Variants in SLC24A3 observed in about 807,000 individuals in gnomAD.
SLC24A3 encodes the protein sodium/potassium/calcium exchanger 3.
Under a neutral mutation model 75.8 loss-of-function variants are expected in SLC24A3, and 28 were observed. The ratio of observed to expected loss-of-function variants is 0.37; its 90% CI spans 0.27 to 0.51. The LOEUF is 0.51. Among genes scored for constraint, SLC24A3 ranks in the 20% least tolerant of loss-of-function variants. SLC24A3 has a pLI of 0.94. For missense variants in SLC24A3, 663 were observed against 847.8 expected (o/e 0.78, Z 2.71); for synonymous variants, 372 against 334.1 (o/e 1.11, Z -1.24).
At chr20:19,664,003 A>G (rs1161209955) in intron 7 of SLC24A3, among the ~76,000 whole-genome samples, 2 of 152,122 alleles carry the variant, frequency 1.3e-5, no homozygotes, top group African/African-American at 4.8e-5. Context: ...AGGGCTTTCT[A>G]AAAGCTGCTT....
intron 15 of SLC24A3, among the ~76,000 whole-genome samples, chr20:19,713,227 A>G (rs1164366830): frequency 6.6e-6 from 1 of 152,224 alleles, no homozygotes; most frequent in African/African-American, 2.4e-5. Context: ...TCCCACAAGC[A>G]CACGTGGACA....
intron 12 of SLC24A3, among the ~76,000 whole-genome samples, chr20:19,688,219 G>T (rs1272369117): frequency 6.6e-6 from 1 of 152,158 alleles, no homozygotes; most frequent in Non-Finnish European, 1.5e-5. Context: ...AGAACCGGCT[G>T]CCCCCCATCC....
At chr20:19,467,966 G>GT (rs1987797005) in intron 2 of SLC24A3, among the ~76,000 whole-genome samples, 1 of 151,932 alleles carries the variant, frequency 6.6e-6, no homozygotes, top group Admixed American at 6.6e-5. Flanking sequence ...AGTGAGGTAT[G>GT]TCCTAGAAAC....
In SLC24A3 at chr20:19,654,111, C is replaced by A; in HGVS notation, c.662C>A (p.Thr221Lys). 1 of 1,613,774 alleles carries A rather than the reference C, an allele frequency of 6.2e-7. No homozygotes were observed. The highest frequency in any genetic ancestry group is 8.5e-7 in the Non-Finnish European group (1 of 1,179,724). Residue 221 changes from threonine (T) to lysine (K), a missense_variant, in exon 7 of 17, where the codon ACG becomes AAG. By Grantham distance (78) the Thr-to-Lys change is moderately conservative. Coordinates refer to ENST00000328041, the MANE Select transcript of SLC24A3 (RefSeq NM_020689.4). ...CTGCTGAGGGATTCTATTTACTACA[C>A]GCTGTCTGTGATCGCGCTCATCGTG... ...WCLLRDSIYY[T>K]LSVIALIVFI...
chr20:19,443,947 G>A (rs1273131722), intron 2 of SLC24A3, among the ~76,000 whole-genome samples: 1 of 152,104 alleles, frequency 6.6e-6, no homozygotes, highest in African/African-American at 2.4e-5. Flanking sequence ...AAAGTATCTT[G>A]TTTCTTACCA....
At chr20:19,640,676 G>T (rs1278671936) in intron 6 of SLC24A3, among the ~76,000 whole-genome samples, 2 of 152,066 alleles carry the variant, frequency 1.3e-5, no homozygotes, top group Non-Finnish European at 2.9e-5. Context: ...CTTCAACCCG[G>T]GAGGCGAAGG....
At chr20:19,340,841 G>A (rs755685684) in intron 2 of SLC24A3, among the ~76,000 whole-genome samples, 13 of 152,180 alleles carry the variant, frequency 8.5e-5, no homozygotes, top group Non-Finnish European at 1.5e-4. Flanking sequence ...TTGAGGGAGC[G>A]ACACAGTTGC....
chr20:19,588,515 C>T (rs1227666633), intron 6 of SLC24A3, among the ~76,000 whole-genome samples: 1 of 152,202 alleles, frequency 6.6e-6, no homozygotes, highest in Non-Finnish European at 1.5e-5. Flanking sequence ...AGTTTGCAAA[C>T]ATAACCCTCG....
At chr20:19,315,147 G>A (rs928307602) in intron 2 of SLC24A3, among the ~76,000 whole-genome samples, 17 of 152,126 alleles carry the variant, frequency 1.1e-4, no homozygotes, top group Admixed American at 7.9e-4. Context: ...GCTCAGATTC[G>A]CCTATCCTTG....
chr20:19,641,635 G>C (rs757021015), intron 6 of SLC24A3, among the ~76,000 whole-genome samples: 1 of 152,152 alleles, frequency 6.6e-6, no homozygotes. Flanking sequence ...TAGCCTCATG[G>C]GGTGCAGCAG....
In SLC24A3 at chr20:19,546,172, A is replaced by AAAAAACAAAC. The variant is rs1325996150; in HGVS notation, c.348+30613_348+30614insCAAACAAAAA. 1.2e-4 allele frequency among the ~76,000 whole-genome samples: 18 copies of AAAAAACAAAC among 148,880 alleles called. 1 individual carries two copies. Among genetic ancestry groups the AAAAAACAAAC allele is most frequent in the Non-Finnish European group, 2.7e-4 (18 of 66,842 alleles). ...AGACTCCGTCTCAAAAAAAAAAAAAAAAAAAAAAAAAAAAAACCAGGTAAT... is the reference window on the plus strand; with the variant it reads ...AGACTCCGTCTCAAAAAAAAAAAAAAAAAAACAAACAAAAAAAAAAAAAAAACCAGGTAAT... On this transcript the variant is annotated intron_variant, in intron 3 of 16. Transcript: ENST00000328041.
intron 3 of SLC24A3, among the ~76,000 whole-genome samples, chr20:19,516,609 G>A (rs892121293): frequency 1.3e-5 from 2 of 152,208 alleles, no homozygotes; most frequent in African/African-American, 4.8e-5. Flanking sequence ...TGGTATGTGG[G>A]GTGGGATGGC....
chr20:19,707,479 G>A (rs1479297572), intron 15 of SLC24A3, among the ~76,000 whole-genome samples: 2 of 152,176 alleles, frequency 1.3e-5, no homozygotes, highest in Non-Finnish European at 2.9e-5. Context: ...AAACTTTTCA[G>A]GTGTTATTAT....
At chr20:19,391,747 C>G (rs1441875415) in intron 2 of SLC24A3, among the ~76,000 whole-genome samples, 2 of 152,062 alleles carry the variant, frequency 1.3e-5, no homozygotes, top group East Asian at 3.9e-4. Flanking sequence ...CTTGGCTGAC[C>G]CCAAGAGAGT....
At chr20:19,370,931 T>C (rs1293319800) in intron 2 of SLC24A3, among the ~76,000 whole-genome samples, 2 of 152,068 alleles carry the variant, frequency 1.3e-5, no homozygotes, top group African/African-American at 4.8e-5. Flanking sequence ...TTTAGTGTAA[T>C]ATTTTGATCC....
chr20:19,558,012 A>T (rs1464453843), intron 3 of SLC24A3, among the ~76,000 whole-genome samples: 1 of 152,136 alleles, frequency 6.6e-6, no homozygotes, highest in Non-Finnish European at 1.5e-5. Flanking sequence ...TGGATGGATG[A>T]TGTTAAAATA....
At chr20:19,694,208 A>G (rs904985862) in intron 13 of SLC24A3, 1 of 152,190 alleles carries the variant, frequency 6.6e-6, no homozygotes, top group Non-Finnish European at 1.5e-5. Flanking sequence ...AGAATGCATT[A>G]CCCATTTATG....
chr20:19,377,769 C>T (rs899802138), intron 2 of SLC24A3, among the ~76,000 whole-genome samples: 1 of 152,204 alleles, frequency 6.6e-6, no homozygotes, highest in Non-Finnish European at 1.5e-5. Flanking sequence ...TGTTTGTGGT[C>T]CTTCCTGACC....
intron 10 of SLC24A3, among the ~76,000 whole-genome samples, chr20:19,683,788 G>A (rs1379106874): frequency 6.6e-6 from 1 of 152,198 alleles, no homozygotes; most frequent in Non-Finnish European, 1.5e-5. Context: ...CAGTGAATGA[G>A]GCTTAAATTG....
Sources: allele counts gnomAD v4.1 joint callset (sites outside exome capture counted in the v4.1 genomes callset), GRCh38; gene constraint gnomAD v4.1.1; transcripts MANE v1.5; gene names NCBI Gene and HGNC (gene_info 2026-07-23, HGNC 2026-07-21).